The following IL1RAPL2 variants were observed in gnomAD, a reference collection of about 807,000 sequenced individuals.
IL1RAPL2 encodes interleukin 1 receptor accessory protein like 2.
In IL1RAPL2, 3 loss-of-function variants were observed where a neutral mutation model predicts 44.1. The ratio of observed to expected loss-of-function variants is 0.07; its 90% confidence interval spans 0.03 to 0.18. IL1RAPL2 has a LOEUF of 0.18. Ranked by LOEUF, IL1RAPL2 falls within the 10% of genes least tolerant of loss-of-function variation. IL1RAPL2 has a pLI of 1.00. For missense variants in IL1RAPL2, 391 were observed against 496.4 expected (o/e 0.79, Z 2.02); for synonymous variants, 181 against 178.8 (o/e 1.01, Z -0.10).
intron 2 of IL1RAPL2, among the ~76,000 whole-genome samples, chrX:105,113,739 T>C (rs1228788865): frequency 1.8e-5 from 2 of 111,921 alleles, no homozygotes; most frequent in Non-Finnish European, 3.8e-5. Flanking sequence ...AGATTATATA[T>C]GAAATGAAAA....
intron 6 of IL1RAPL2, among the ~76,000 whole-genome samples, chrX:105,511,677 G>T (rs933081989): frequency 1.5e-4 from 17 of 111,253 alleles, no homozygotes; most frequent in African/African-American, 4.9e-4. Context: ...GTAGCCAGAT[G>T]AACTAAGAGG....
At chrX:105,437,007 C>A (rs2035886221) in intron 5 of IL1RAPL2, among the ~76,000 whole-genome samples, 1 of 98,902 alleles carries the variant, frequency 1.0e-5, no homozygotes, top group Non-Finnish European at 2.0e-5. Flanking sequence ...AAACTAAACT[C>A]ATTGTAAAAA....
intron 2 of IL1RAPL2, among the ~76,000 whole-genome samples, chrX:105,021,080 G>A (rs2031274813): frequency 8.9e-6 from 1 of 111,799 alleles, no homozygotes; most frequent in Non-Finnish European, 1.9e-5. Flanking sequence ...TCTAACTTAA[G>A]GAGATAGACT....
intron 5 of IL1RAPL2, among the ~76,000 whole-genome samples, chrX:105,401,217 G>A (rs764106328): frequency 1.6e-4 from 18 of 111,324 alleles, no homozygotes; most frequent in Non-Finnish European, 3.0e-4. Flanking sequence ...TGGAGGGGCT[G>A]AACATTCAAA....
At chrX:105,232,033 T>G (rs1450486315) in intron 3 of IL1RAPL2, among the ~76,000 whole-genome samples, 2 of 112,079 alleles carry the variant, frequency 1.8e-5, no homozygotes, top group African/African-American at 3.2e-5. Context: ...ATGACCTTTG[T>G]GTTCCAGGAA....
intron 6 of IL1RAPL2, among the ~76,000 whole-genome samples, chrX:105,599,271 A>G (rs2037233694): frequency 8.9e-6 from 1 of 112,402 alleles, no homozygotes. Context: ...GCACAGCTAC[A>G]TAGAAGATAT....
At chrX:104,908,115 A>G (rs780373085) in intron 2 of IL1RAPL2, among the ~76,000 whole-genome samples, 3 of 110,448 alleles carry the variant, frequency 2.7e-5, no homozygotes, top group East Asian at 2.8e-4. Context: ...ATCAGAGACT[A>G]GGATTGCAAC....
intron 6 of IL1RAPL2, among the ~76,000 whole-genome samples, chrX:105,714,869 AAAG>A (rs2038243612): frequency 1.8e-5 from 2 of 112,348 alleles, no homozygotes; most frequent in South Asian, 7.4e-4. Context: ...TCCCATTCAA[AAAG>A]AAGTATACTG....
chrX:105,437,228 T>G (rs1407036354), intron 5 of IL1RAPL2, among the ~76,000 whole-genome samples: 2 of 110,016 alleles, frequency 1.8e-5, no homozygotes, highest in Admixed American at 2.0e-4. Context: ...GAGGTATACC[T>G]GCACAAGAAT....
At chrX:105,682,322 A>G (rs1310075491) in intron 6 of IL1RAPL2, among the ~76,000 whole-genome samples, 2 of 111,885 alleles carry the variant, frequency 1.8e-5, no homozygotes, top group Non-Finnish European at 3.8e-5. Context: ...AATATTAAGT[A>G]AAAAGATTCA....
chrX:105,219,226 G>A (rs781916996), intron 3 of IL1RAPL2: 10 of 1,211,078 alleles, frequency 8.3e-6, no homozygotes, highest in Non-Finnish European at 1.1e-5. Context: ...TGCTGTGACT[G>A]TTGCTTGTGG....
At chrX:104,948,717 C>T (rs1363752940) in intron 2 of IL1RAPL2, among the ~76,000 whole-genome samples, 4 of 110,420 alleles carry the variant, frequency 3.6e-5, no homozygotes, top group Middle Eastern at 4.3e-3. Flanking sequence ...TGCTGGATTA[C>T]GTTTATTGAT....
chrX:105,256,761 G>A (rs1207061793), intron 4 of IL1RAPL2, among the ~76,000 whole-genome samples: 1 of 111,721 alleles, frequency 9.0e-6, no homozygotes, highest in Non-Finnish European at 1.9e-5. Flanking sequence ...GTACATATAG[G>A]TGTTTCTAGT....
chrX:104,611,614 G>T (rs1441713876), intron 1 of IL1RAPL2, among the ~76,000 whole-genome samples: 1 of 110,216 alleles, frequency 9.1e-6, no homozygotes. Flanking sequence ...GAGGCGGACA[G>T]ATCACAAGGT....
chrX:104,594,933 A>C (rs376451672), intron 1 of IL1RAPL2, among the ~76,000 whole-genome samples: 3 of 112,146 alleles, frequency 2.7e-5, no homozygotes, highest in Non-Finnish European at 5.6e-5. Context: ...GAAGATGATT[A>C]AATTAGAGAA....
chrX:105,191,026 A>C (rs2033628467), intron 2 of IL1RAPL2, among the ~76,000 whole-genome samples: 1 of 112,148 alleles, frequency 8.9e-6, no homozygotes, highest in Non-Finnish European at 1.9e-5. Context: ...AATTGCATAG[A>C]TGCTGGCATG....
intron 5 of IL1RAPL2, among the ~76,000 whole-genome samples, chrX:105,385,570 C>A (rs1468469033): frequency 9.1e-6 from 1 of 109,942 alleles, no homozygotes; most frequent in Non-Finnish European, 1.9e-5. Context: ...ATAGTAGTAA[C>A]AATGAGAACA....
intron 2 of IL1RAPL2, among the ~76,000 whole-genome samples, chrX:105,116,290 C>T (rs1260106301): frequency 8.9e-6 from 1 of 112,443 alleles, no homozygotes; most frequent in African/African-American, 3.2e-5. Flanking sequence ...GTAATTTACC[C>T]AACCTTTCTG....
At chrX:105,413,222 T>C (rs975648192) in intron 5 of IL1RAPL2, among the ~76,000 whole-genome samples, 2 of 111,994 alleles carry the variant, frequency 1.8e-5, no homozygotes, top group Non-Finnish European at 3.8e-5. Context: ...TTTTTCCCCA[T>C]GTGGTAAACA....
Sources: gnomAD v4.1 joint callset for allele counts (sites outside exome capture counted in the v4.1 genomes callset) on GRCh38, gnomAD v4.1.1 for gene constraint, MANE v1.5 for transcripts, NCBI Gene and HGNC (gene_info 2026-07-23, HGNC 2026-07-21) for gene names.